Variants in CCDC3 observed in about 807,000 individuals in gnomAD.
The protein encoded by CCDC3 is coiled-coil domain-containing protein 3.
A neutral mutation model predicts 21.4 loss-of-function variants in CCDC3; 24 were observed. The observed-to-expected ratio is 1.12, with a 90% CI of 0.81 to 1.58. The LOEUF is 1.58. Ranked by LOEUF, CCDC3 falls within the 40% of genes most tolerant of loss-of-function variation. The pLI is 0.00. For synonymous variants in CCDC3, 186 were observed against 166.0 expected, an observed-to-expected ratio of 1.12 and a Z score of -0.93; for missense variants, 425 against 360.9, an observed-to-expected ratio of 1.18 and a Z score of -1.44.
chr10:12,904,690 T>C (rs982775402), intron 2 of CCDC3, among the ~76,000 whole-genome samples: 4 of 152,080 alleles, frequency 2.6e-5, no homozygotes, highest in Non-Finnish European at 1.5e-5. Flanking sequence ...GAAGTCTTCC[T>C]ATAAGTTTCC....
intron 3 of CCDC3, among the ~76,000 whole-genome samples, chr10:13,082,879 T>A (rs942335323): frequency 6.6e-6 from 1 of 152,240 alleles, no homozygotes; most frequent in Non-Finnish European, 1.5e-5. Context: ...TGCTACAAAC[T>A]AATGATTAAT....
chr10:13,025,906 C>T (rs770208147), intron 5 of CCDC3, among the ~76,000 whole-genome samples: 1 of 152,174 alleles, frequency 6.6e-6, no homozygotes, highest in Non-Finnish European at 1.5e-5. Flanking sequence ...CTCACCCGGG[C>T]ATGGTGGCTC....
intron 2 of CCDC3, among the ~76,000 whole-genome samples, chr10:12,911,110 C>T (rs1209793208): frequency 6.6e-6 from 1 of 152,194 alleles, no homozygotes. Context: ...CTCTGCAAGG[C>T]AGGTTCATTC....
intron 5 of CCDC3, among the ~76,000 whole-genome samples, chr10:13,008,327 G>C (rs1835948137): frequency 6.6e-6 from 1 of 152,208 alleles, no homozygotes; most frequent in African/African-American, 2.4e-5. Context: ...GGTGAGATGA[G>C]TGTCCATGCA....
intron 2 of CCDC3, among the ~76,000 whole-genome samples, chr10:12,991,634 T>C (rs1835684488): frequency 1.3e-5 from 2 of 152,144 alleles, no homozygotes; most frequent in Admixed American, 1.3e-4. Flanking sequence ...AATCCTGGCT[T>C]TGAACACACG....
intron 1 of CCDC3, 111 bp downstream of exon 1, chr10:13,001,086 A>T: frequency 7.2e-7 from 1 of 1,383,420 alleles, no homozygotes; most frequent in Non-Finnish European, 9.7e-7. Context: ...GGGCATTCTC[A>T]CTTGACACCG....
chr10:13,003,854 G>A (rs1835894524), upstream of CCDC3, among the ~76,000 whole-genome samples: 2 of 152,176 alleles, frequency 1.3e-5, no homozygotes, highest in African/African-American at 4.8e-5. Flanking sequence ...ACTTCCCACA[G>A]TGTATTTTGC....
intron 2 of CCDC3, among the ~76,000 whole-genome samples, chr10:12,992,194 A>T (rs1185056867): frequency 1.3e-5 from 2 of 152,152 alleles, no homozygotes; most frequent in African/African-American, 4.8e-5. Flanking sequence ...GTTTGAGACC[A>T]GTCTGGCCAA....
At chr10:12,999,707 T>C (rs556194121) in intron 1 of CCDC3, among the ~76,000 whole-genome samples, 8 of 152,346 alleles carry the variant, frequency 5.3e-5, no homozygotes, top group Non-Finnish European at 8.8e-5. Flanking sequence ...CACGGAACTA[T>C]TGGACAAACT....
intron 2 of CCDC3, among the ~76,000 whole-genome samples, chr10:12,956,578 A>C (rs549776549): frequency 6.6e-6 from 1 of 152,194 alleles, no homozygotes; most frequent in African/African-American, 2.4e-5. Context: ...GGGAAACTGC[A>C]TTTCTTTTGC....
Position 13,001,666 on chromosome 10 carries a change from G to C in CCDC3, c.-96C>G. The C allele has an allele frequency of 2.5e-6, 2 of 800,820 alleles. No homozygotes were observed. Among genetic ancestry groups the C allele is most frequent in the Non-Finnish European group, 3.1e-6 (2 of 651,340 alleles). 49.6% of individuals were successfully genotyped at this position (800,820 alleles called of 1,614,324 possible). On this transcript the variant is annotated 5_prime_UTR_variant, in exon 1 of 3. Coordinates refer to ENST00000378825, the MANE Select transcript of CCDC3 (RefSeq NM_031455.4). Reference sequence around the variant, plus strand: ...CCCTGGGCGCTCGGCTGCTCGGGCCGCTCCCGGGAGCTGAGCGCACCGCTG... The same window carrying C: ...CCCTGGGCGCTCGGCTGCTCGGGCCCCTCCCGGGAGCTGAGCGCACCGCTG...
At chr10:13,014,956 A>C (rs1228071581) in intron 5 of CCDC3, among the ~76,000 whole-genome samples, 5 of 149,436 alleles carry the variant, frequency 3.3e-5, no homozygotes, top group Middle Eastern at 6.8e-3. Context: ...TAATATAGTT[A>C]TGTAGGAACA....
chr10:12,978,648 G>A (rs995335533), intron 2 of CCDC3, among the ~76,000 whole-genome samples: 2 of 152,090 alleles, frequency 1.3e-5, no homozygotes, highest in Admixed American at 6.5e-5. Context: ...CGGCAAGTCA[G>A]AAAGAAAGTT....
chr10:13,066,207 G>C (rs1470280136), intron 4 of CCDC3, among the ~76,000 whole-genome samples: 1 of 151,868 alleles, frequency 6.6e-6, no homozygotes, highest in Non-Finnish European at 1.5e-5. Flanking sequence ...ACCCAAACTG[G>C]AGTACAATGG....
intron 2 of CCDC3, among the ~76,000 whole-genome samples, chr10:12,958,693 G>C (rs890317489): frequency 5.9e-5 from 9 of 152,090 alleles, no homozygotes; most frequent in African/African-American, 1.9e-4. Flanking sequence ...TGCCAGAGCT[G>C]GGGGGCAGGG....
At chr10:12,912,121 C>T (rs1037804524) in intron 2 of CCDC3, among the ~76,000 whole-genome samples, 1 of 150,046 alleles carries the variant, frequency 6.7e-6, no homozygotes. Flanking sequence ...GTAGATATCT[C>T]TTCGACATAC....
At chr10:12,961,135 G>A (rs1024113215) in intron 2 of CCDC3, among the ~76,000 whole-genome samples, 3 of 152,150 alleles carry the variant, frequency 2.0e-5, no homozygotes, top group Admixed American at 6.5e-5. Flanking sequence ...CGTGAGCACC[G>A]GCTGGGAATT....
Position 12,898,145 on chromosome 10 carries a change from C to A in CCDC3, c.*271G>T. The A allele has an allele frequency of 4.1e-6, 2 of 482,224 alleles. No individual in the cohort carries two copies. The highest frequency in any genetic ancestry group is 3.8e-5 in the South Asian group (1 of 26,436). 29.9% of individuals were successfully genotyped at this position (482,224 alleles called of 1,614,324 possible). On this transcript the variant is annotated 3_prime_UTR_variant, in exon 3 of 3. Coordinates refer to ENST00000378825, the MANE Select transcript of CCDC3 (RefSeq NM_031455.4). ...GGCTCTTTCTGGGCTGCTCTGCAGG[C>A]GAGCATTCAGCACTCAGGGATCCCA...
chr10:12,962,034 C>T (rs554355777), intron 2 of CCDC3, among the ~76,000 whole-genome samples: 5 of 152,256 alleles, frequency 3.3e-5, no homozygotes, highest in African/African-American at 7.2e-5. Flanking sequence ...TGGAACGTTG[C>T]TCTCTGAAAA....
Sources: gnomAD v4.1 joint callset for allele counts (sites outside exome capture counted in the v4.1 genomes callset) on GRCh38, gnomAD v4.1.1 for gene constraint, MANE v1.5 for transcripts, NCBI Gene and HGNC (gene_info 2026-07-23, HGNC 2026-07-21) for gene names.